Variants in DPP6 observed in about 807,000 individuals in gnomAD.
The protein encoded by DPP6 is dipeptidyl peptidase like 6.
Under a neutral mutation model 122.6 loss-of-function variants are expected in DPP6, and 69 were observed. The observed-to-expected ratio is 0.56, with a 90% CI of 0.46 to 0.69. DPP6 has a LOEUF of 0.69. Ranked by LOEUF, DPP6 falls within the 30% of genes least tolerant of loss-of-function variation. DPP6 has a pLI of 0.00. For synonymous variants in DPP6, 418 were observed against 433.1 expected (o/e 0.97, Z 0.43); for missense variants, 928 against 1,116.9 (o/e 0.83, Z 2.41).
the DPP6 span, among the ~76,000 whole-genome samples, chr7:153,818,182 A>C: frequency 6.6e-6 from 1 of 152,076 alleles, no homozygotes; most frequent in African/African-American, 2.4e-5. Context: ...CTTTATTCGT[A>C]ACCAAGAAAG....
chr7:154,671,545 G>A (rs1466335111), intron 7 of DPP6, among the ~76,000 whole-genome samples: 1 of 152,150 alleles, frequency 6.6e-6, no homozygotes, highest in Admixed American at 6.5e-5. Context: ...ACCGGGTCCC[G>A]TAGTAGAGTT....
chr7:154,158,024 A>T (rs1796780553), intron 1 of DPP6, among the ~76,000 whole-genome samples: 2 of 148,460 alleles, frequency 1.3e-5, no homozygotes, highest in Non-Finnish European at 3.0e-5. Flanking sequence ...GATATTATGC[A>T]TTGCTTTCCT....
chr7:153,778,910 C>T, the DPP6 span, among the ~76,000 whole-genome samples: 3,094 of 149,150 alleles, frequency 0.021, 52 homozygotes, highest in South Asian at 0.029. Flanking sequence ...TATTCATAGT[C>T]ATTCCAAATG....
At chr7:153,902,021 T>C (rs1799657640) in intron 1 of DPP6, among the ~76,000 whole-genome samples, 1 of 152,206 alleles carries the variant, frequency 6.6e-6, no homozygotes, top group Admixed American at 6.5e-5. Flanking sequence ...GGAAATATAA[T>C]TGAAAACAAA....
chr7:154,124,755 G>A (rs1807753370), intron 1 of DPP6, among the ~76,000 whole-genome samples: 2 of 152,312 alleles, frequency 1.3e-5, no homozygotes, highest in African/African-American at 4.8e-5. Context: ...GGGAAGGGCG[G>A]GAGGATGGGG....
the DPP6 span, among the ~76,000 whole-genome samples, chr7:153,820,353 A>G: frequency 2.6e-5 from 4 of 152,246 alleles, no homozygotes; most frequent in African/African-American, 9.6e-5. Flanking sequence ...CTGTAATCTC[A>G]ATCTTTTAAG....
intron 1 of DPP6, among the ~76,000 whole-genome samples, chr7:154,237,875 G>A (rs1801320621): frequency 6.6e-6 from 1 of 152,156 alleles, no homozygotes; most frequent in Non-Finnish European, 1.5e-5. Context: ...GGGAGCCCTG[G>A]GAGCGTGTAA....
chr7:153,833,408 C>T, the DPP6 span, among the ~76,000 whole-genome samples: 3 of 152,210 alleles, frequency 2.0e-5, no homozygotes, highest in African/African-American at 4.8e-5. Context: ...GCATGGTGGC[C>T]CACACCTGTA....
In DPP6 at chr7:154,772,718, T is replaced by A. The variant is rs1241419278; in HGVS notation, c.1039-127T>A. 5 of 1,276,736 alleles carry A rather than the reference T, an allele frequency of 3.9e-6. No individual in the cohort carries two copies. In the African/African-American group the frequency reaches 7.4e-5, roughly 19 times the overall value. 79.1% of individuals were successfully genotyped at this position (1,276,736 alleles called of 1,614,324 possible). On this transcript the variant is annotated intron_variant, in intron 9 of 25. Coordinates refer to ENST00000377770, the MANE Select transcript of DPP6 (RefSeq NM_130797.4). ...CATTTGTTCTCCACATTAATTCTGC[T>A]CCTTAATATGGAGCTCCAGTGTCCT...
chr7:154,481,672 G>C lies in DPP6; in HGVS notation c.457+6635G>C, dbSNP rs1051662583. Among the ~76,000 whole-genome samples, 3 of 151,988 alleles carry C rather than the reference G, an allele frequency of 2.0e-5. No individual in the cohort carries two copies. Among genetic ancestry groups the C allele is most frequent in the African/African-American group, 7.3e-5 (3 of 41,364 alleles). ...GTCCATCTTCTTTTCCCCCAGAGTG[G>C]CTCTTACATAGGATGTTCCTTCTGT... On this transcript the variant is annotated intron_variant, in intron 3 of 25. Transcript: ENST00000377770. The surrounding 1 kb of genome is among the most constrained non-coding windows in gnomAD (Gnocchi z 4.2).
the DPP6 span, among the ~76,000 whole-genome samples, chr7:153,814,750 C>T: frequency 6.6e-6 from 1 of 152,076 alleles, no homozygotes; most frequent in African/African-American, 2.4e-5. Context: ...CATCAAAAAG[C>T]TTATCCACCA....
chr7:154,336,303 G>A (rs150822644), intron 1 of DPP6, among the ~76,000 whole-genome samples: 143 of 152,252 alleles, frequency 9.4e-4, no homozygotes, highest in African/African-American at 2.9e-3. Context: ...GATGCACGGC[G>A]TCTCATCTCA....
At chr7:154,059,451 C>T (rs1264050863) in intron 1 of DPP6, 2 of 122,392 alleles carry the variant, frequency 1.6e-5, no homozygotes, top group African/African-American at 5.7e-5. Context: ...GATTTACGAT[C>T]CGACGGGTCC....
chr7:153,871,811 A>G, the DPP6 span, among the ~76,000 whole-genome samples: 91 of 152,230 alleles, frequency 6.0e-4, no homozygotes, highest in African/African-American at 1.9e-3. Context: ...AAAATAGTGT[A>G]TTTTAGACAG....
intron 1 of DPP6, among the ~76,000 whole-genome samples, chr7:154,422,727 G>T (rs550759998): frequency 1.5e-5 from 2 of 129,962 alleles, no homozygotes; most frequent in African/African-American, 5.7e-5. Flanking sequence ...GTGAGTGGAT[G>T]AAAGGTTGAG....
intron 5 of DPP6, among the ~76,000 whole-genome samples, 194 bp from the exon 6 acceptor site, chr7:154,637,627 T>G (rs1315730903): frequency 6.6e-6 from 1 of 152,168 alleles, no homozygotes; most frequent in East Asian, 1.9e-4. Flanking sequence ...CTATAAACCA[T>G]TGCAAATGCT....
chr7:154,160,162 G>A (rs1796906480), intron 1 of DPP6, among the ~76,000 whole-genome samples: 2 of 151,540 alleles, frequency 1.3e-5, no homozygotes, highest in East Asian at 1.9e-4. Flanking sequence ...GCGGTTAATT[G>A]GCTACCCAAT....
At chr7:153,889,806 G>T (rs1799108350) in intron 1 of DPP6, among the ~76,000 whole-genome samples, 1 of 152,192 alleles carries the variant, frequency 6.6e-6, no homozygotes, top group Admixed American at 6.5e-5. Context: ...AGAGTTATTT[G>T]TGGGCCCAAG....
At chr7:154,037,354 C>A (rs1189641417) in intron 1 of DPP6, among the ~76,000 whole-genome samples, 1 of 151,878 alleles carries the variant, frequency 6.6e-6, no homozygotes, top group African/African-American at 2.4e-5. Flanking sequence ...TTTCCCAGGA[C>A]CTCATGGCAG....
Sources: allele counts gnomAD v4.1 joint callset (sites outside exome capture counted in the v4.1 genomes callset), GRCh38; gene constraint gnomAD v4.1.1; non-coding constraint Gnocchi (gnomAD v3.1); transcripts MANE v1.5; gene names NCBI Gene and HGNC (gene_info 2026-07-23, HGNC 2026-07-21).